The following CRADD variants were observed in gnomAD, a reference collection of about 807,000 sequenced individuals.
CRADD encodes the protein CARD and death domain containing adaptor protein.
CRADD carries 9 observed loss-of-function variants against 15.5 expected under a neutral mutation model. The observed-to-expected ratio is 0.58, with a 90% CI of 0.35 to 1.01. The LOEUF (loss-of-function observed/expected upper bound fraction) is 1.01. Among genes scored for constraint, CRADD ranks in the 50% least tolerant of loss-of-function variants. The pLI is 0.02. For missense variants in CRADD, 227 were observed against 250.3 expected (o/e 0.91, Z 0.63); for synonymous variants, 118 against 107.6 (o/e 1.10, Z -0.60).
chr12:93,883,548 A>C (rs1156728147), intron 2 of CRADD, among the ~76,000 whole-genome samples: 1 of 152,158 alleles, frequency 6.6e-6, no homozygotes, highest in Non-Finnish European at 1.5e-5. Flanking sequence ...GTTGGGTCCT[A>C]TAATTACTCC....
chr12:93,733,366 G>A (rs1427265100), intron 2 of CRADD, among the ~76,000 whole-genome samples: 2 of 152,224 alleles, frequency 1.3e-5, no homozygotes. Flanking sequence ...TATATGAGTG[G>A]AGAAGGATGT....
At chr12:93,821,036 A>G in intron 2 of CRADD, among the ~76,000 whole-genome samples, 1 of 152,282 alleles carries the variant, frequency 6.6e-6, no homozygotes, top group East Asian at 1.9e-4. Flanking sequence ...TGAGGGCTGT[A>G]GCCAGCTTGC....
chr12:93,732,068 G>A (rs959548019), intron 2 of CRADD, among the ~76,000 whole-genome samples: 21 of 151,952 alleles, frequency 1.4e-4, no homozygotes, highest in African/African-American at 5.1e-4. Flanking sequence ...CGCAGGAGGT[G>A]GAGGTTGCGG....
At chr12:93,732,420 C>T (rs930706040) in intron 2 of CRADD, among the ~76,000 whole-genome samples, 2 of 152,100 alleles carry the variant, frequency 1.3e-5, no homozygotes, top group African/African-American at 4.8e-5. Context: ...GGTTGCAGAT[C>T]GTTCTAAAGG....
chr12:93,747,108 A>G (rs1565899101), intron 2 of CRADD, among the ~76,000 whole-genome samples: 2 of 152,154 alleles, frequency 1.3e-5, no homozygotes, highest in Non-Finnish European at 2.9e-5. Flanking sequence ...TTTTTAAAAT[A>G]AAAAGGCACT....
intron 2 of CRADD, among the ~76,000 whole-genome samples, chr12:93,713,776 T>C (rs910447346): frequency 3.3e-5 from 5 of 152,332 alleles, no homozygotes; most frequent in Admixed American, 6.5e-5. Context: ...ATAATGTAAA[T>C]ATCTCATGAT....
chr12:93,773,140 C>CA (rs1957101992), intron 2 of CRADD, among the ~76,000 whole-genome samples: 2 of 152,104 alleles, frequency 1.3e-5, no homozygotes, highest in East Asian at 3.8e-4. Context: ...TTAAACATGA[C>CA]AGTATATATG....
At chr12:93,846,875 C>T (rs1056332030) in intron 2 of CRADD, among the ~76,000 whole-genome samples, 12 of 152,008 alleles carry the variant, frequency 7.9e-5, no homozygotes, top group Admixed American at 2.0e-4. Context: ...CTGAGGCAGG[C>T]GGATCACAAG....
chr12:93,711,055 C>CCCCCCTTTTTTTTTT, intron 2 of CRADD, among the ~76,000 whole-genome samples: 2 of 43,508 alleles, frequency 4.6e-5, no homozygotes, highest in African/African-American at 8.5e-5. Flanking sequence ...CCACCCCCGC[C>CCCCCCTTTTTTTTTT]TTTTTTTTTT....
intron 2 of CRADD, among the ~76,000 whole-genome samples, chr12:93,880,981 A>G (rs1288959340): frequency 1.3e-5 from 2 of 152,232 alleles, no homozygotes; most frequent in Admixed American, 1.3e-4. Context: ...CCCTTAGGCA[A>G]ACACCAAATT....
At chr12:93,693,276 C>T (rs1337147249) in intron 2 of CRADD, among the ~76,000 whole-genome samples, 2 of 152,014 alleles carry the variant, frequency 1.3e-5, no homozygotes, top group Non-Finnish European at 1.5e-5. Context: ...TTAAATTCTC[C>T]AGTTAAAAGA....
At chr12:93,861,978 TAGTG>T (rs1376320818) in intron 2 of CRADD, among the ~76,000 whole-genome samples, 5 of 152,108 alleles carry the variant, frequency 3.3e-5, no homozygotes, top group Admixed American at 6.5e-5. Flanking sequence ...TTTCTCGTGG[TAGTG>T]AGTAAGTTTC....
intron 2 of CRADD, among the ~76,000 whole-genome samples, chr12:93,780,741 CTTT>C (rs1344435534): frequency 2.1e-5 from 3 of 143,456 alleles, no homozygotes; most frequent in African/African-American, 2.5e-5. Flanking sequence ...TCTTGATTAC[CTTT>C]TTTTTTTTTT....
rs183669309 is a variant in CRADD, at chr12:93,739,676, G to C, written c.298+60604G>C. Among the ~76,000 whole-genome samples, 442 of 152,146 alleles carry C rather than the reference G, an allele frequency of 2.9e-3. 1 individual carries two copies. The highest frequency in any genetic ancestry group is 9.8e-3 in the African/African-American group (406 of 41,522). ...AAGAAAACTCATAATTTTGAAATGG[G>C]GAAAGGGAAAGATCTTGGACATAGT... On this transcript the variant is annotated intron_variant, in intron 2 of 2. Transcript: ENST00000332896.
intron 2 of CRADD, among the ~76,000 whole-genome samples, chr12:93,803,522 C>G (rs1384068394): frequency 1.3e-5 from 2 of 152,168 alleles, no homozygotes; most frequent in African/African-American, 2.4e-5. Flanking sequence ...TCCACGTCCA[C>G]CATTTGGCAT....
chr12:93,748,353 T>C (rs1479513029), intron 2 of CRADD, among the ~76,000 whole-genome samples: 1 of 152,236 alleles, frequency 6.6e-6, no homozygotes, highest in Non-Finnish European at 1.5e-5. Flanking sequence ...TTGCCCAGGC[T>C]GGAGCGCAAT....
chr12:93,765,367 G>A (rs1957016456), intron 2 of CRADD, among the ~76,000 whole-genome samples: 1 of 152,146 alleles, frequency 6.6e-6, no homozygotes, highest in South Asian at 2.1e-4. Context: ...GCACTTGGCA[G>A]TTTACACTGC....
intron 2 of CRADD, chr12:93,738,276 T>C (rs1177083456): frequency 1.0e-5 from 7 of 673,794 alleles, no homozygotes; most frequent in Non-Finnish European, 1.9e-5. Context: ...AGTGTCAGAC[T>C]GTGGGGATGA....
chr12:93,862,236 T>C (rs1958324882), intron 2 of CRADD, among the ~76,000 whole-genome samples: 1 of 152,218 alleles, frequency 6.6e-6, no homozygotes, highest in South Asian at 2.1e-4. Context: ...AGTATTTTTT[T>C]CTACAAGGCC....
Sources: gnomAD v4.1 joint callset for allele counts (sites outside exome capture counted in the v4.1 genomes callset) on GRCh38, gnomAD v4.1.1 for gene constraint, MANE v1.5 for transcripts, NCBI Gene and HGNC (gene_info 2026-07-23, HGNC 2026-07-21) for gene names.